Variants in PRR27 observed in about 807,000 individuals in gnomAD.
PRR27 encodes the protein proline rich 27.
Under a neutral mutation model 16.8 loss-of-function variants are expected in PRR27, and 12 were observed. The observed-to-expected ratio is 0.71, with a 90% CI of 0.46 to 1.16. The LOEUF (loss-of-function observed/expected upper bound fraction) is 1.16. Ranked by LOEUF, PRR27 falls within the 50% of genes most tolerant of loss-of-function variation. The pLI is 0.00. For synonymous variants in PRR27, 100 were observed against 98.4 expected (o/e 1.02, Z -0.10); for missense variants, 277 against 273.3 (o/e 1.01, Z -0.10).
At chr4:70,161,177 T>TATATATATATAC (rs1209279786) in intron 3 of PRR27, among the ~76,000 whole-genome samples, 2 of 116,046 alleles carry the variant, frequency 1.7e-5, no homozygotes, top group Non-Finnish European at 3.4e-5. Flanking sequence ...TATATATATA[T>TATATATATATAC]ATACACACAT....
At chr4:70,159,175 C>T (rs1728575769) in intron 3 of PRR27, among the ~76,000 whole-genome samples, 1 of 152,112 alleles carries the variant, frequency 6.6e-6, no homozygotes, top group Admixed American at 6.5e-5. Flanking sequence ...TCCCACATTC[C>T]CCATCCTCCC....
rs1728737539 is a variant in PRR27, at chr4:70,165,177, GAC to G, written c.*2520_*2521del. 2.0e-5 allele frequency: 3 copies of G among 152,064 alleles called. No homozygotes were observed. In the South Asian group the frequency reaches 6.2e-4, roughly 31 times the overall value. The allele number at this position is 152,064 out of a possible 1,614,324, so 9.4% of individuals were successfully genotyped here. ...GTTAGTAAACAGGCATCAGCTTTGA[GAC>G]ACAGAAAAGTCATCCAAACCAGAAG... On this transcript the variant is annotated 3_prime_UTR_variant, in exon 5 of 5. Transcript: ENST00000344526.
At position 70,155,989 on chromosome 4, in the gene PRR27, G is replaced by A. The variant is rs188408933; in HGVS notation, c.52-65G>A. 2.3e-4 allele frequency: 238 copies of A among 1,028,374 alleles called. No homozygotes were observed. In the African/African-American group the frequency reaches 3.4e-3, roughly 14 times the overall value. 63.7% of individuals were successfully genotyped at this position (1,028,374 alleles called of 1,614,324 possible). A position where few individuals can be genotyped will look rare whatever the true frequency, so the allele number is the denominator to read the frequency against. On this transcript the variant is annotated intron_variant, in intron 1 of 4. Coordinates refer to ENST00000344526, the MANE Select transcript of PRR27 (RefSeq NM_214711.4). ...AGCTTTGCAAATTTTTCAGCAATAT[G>A]GAAATGTAGGTGCAGATGTTTTCAA...
rs973936551 is a variant in PRR27, at chr4:70,163,299, T to G, written c.*638T>G. On this transcript the variant is annotated 3_prime_UTR_variant, in exon 5 of 5. Coordinates refer to ENST00000344526, the MANE Select transcript of PRR27 (RefSeq NM_214711.4). ...TAGCTATTGTCATCCCTAACAGAAA[T>G]GGAGGAATAGCCTCTTTTTTTTTTT... is the stretch of plus-strand genomic sequence containing the variant. The G allele has an allele frequency of 6.7e-6, 1 of 148,590 alleles. No homozygotes were observed. Among genetic ancestry groups the G allele is most frequent in the South Asian group, 2.1e-4 (1 of 4,716 alleles). The allele number at this position is 148,590 out of a possible 1,614,324, so 9.2% of individuals were successfully genotyped here. A position where few individuals can be genotyped will look rare whatever the true frequency, so the allele number is the denominator to read the frequency against.
intron 1 of PRR27, 67 bp downstream of exon 1, chr4:70,154,493 G>C: frequency 8.0e-7 from 1 of 1,246,092 alleles, no homozygotes; most frequent in Non-Finnish European, 1.2e-6. Flanking sequence ...ATAGGCATTT[G>C]TGCTTATGAT....
In PRR27 at chr4:70,158,895, G is replaced by C. The variant is rs1728565975; in HGVS notation, c.643G>C (p.Glu215Gln). The stretch of plus-strand genomic sequence containing the variant: ...AGAACCTCACCCTTCTCCCTCTCTT[G>C]AACAGGTAGGTTGTTTATATCTTAC... ...APEPHPSPSL[E>Q]QANQ The change falls in exon 3 of 5, where the codon GAA (glutamate) becomes CAA (glutamine). Residue 215 changes from glutamate to glutamine, a missense_variant. Physicochemically the swap from Glu to Gln is conservative, Grantham distance 29. Transcript: ENST00000344526. The C allele has an allele frequency of 6.4e-7, 1 of 1,556,406 alleles. No individual in the cohort carries two copies. Among genetic ancestry groups the C allele is most frequent in the Non-Finnish European group, 8.7e-7 (1 of 1,145,494 alleles).
In PRR27 at chr4:70,165,984, CT is replaced by C. The variant is rs1430828851; in HGVS notation, c.*3329del. ...TAAGTTTGTGTGTATAATTCCCTGG[CT>C]TTTTTCTAAAATTTTAGTATGCATT... is the stretch of plus-strand genomic sequence containing the variant. On this transcript the variant is annotated 3_prime_UTR_variant, in exon 5 of 5. Transcript: ENST00000344526. 2.0e-5 allele frequency: 3 copies of C among 151,890 alleles called. No homozygotes were observed. Among genetic ancestry groups the C allele is most frequent in the Non-Finnish European group, 4.4e-5 (3 of 67,934 alleles). 9.4% of individuals were successfully genotyped at this position (151,890 alleles called of 1,614,324 possible).
At chr4:70,161,242 C>T (rs1184000127) in intron 3 of PRR27, among the ~76,000 whole-genome samples, 1 of 134,922 alleles carries the variant, frequency 7.4e-6, no homozygotes. Flanking sequence ...ATACCTGTAG[C>T]TCATGGTTCA....
chr4:70,166,448 C>G lies in PRR27; in HGVS notation c.*3787C>G, dbSNP rs1171399999. ...TATAAGAGAAAATACTATTTTCCAC[C>G]AATATCACAATGGATAATCTTTTTT... is the stretch of plus-strand genomic sequence containing the variant. On this transcript the variant is annotated 3_prime_UTR_variant, in exon 5 of 5. Transcript: ENST00000344526. The G allele has an allele frequency of 6.6e-6, 1 of 151,956 alleles. No individual in the cohort carries two copies. The highest frequency in any genetic ancestry group is 2.4e-5 in the African/African-American group (1 of 41,402). 9.4% of individuals were successfully genotyped at this position (151,956 alleles called of 1,614,324 possible).
chr4:70,164,384 T>C lies in PRR27; in HGVS notation c.*1723T>C, dbSNP rs1001513866. 7 of 152,192 alleles carry C rather than the reference T, an allele frequency of 4.6e-5. No individual in the cohort carries two copies. The highest frequency in any genetic ancestry group is 8.8e-5 in the Non-Finnish European group (6 of 68,030). 9.4% of individuals were successfully genotyped at this position (152,192 alleles called of 1,614,324 possible). On this transcript the variant is annotated 3_prime_UTR_variant, in exon 5 of 5. Coordinates refer to ENST00000344526, the MANE Select transcript of PRR27 (RefSeq NM_214711.4). Reference sequence around the variant, plus strand: ...TTATTTTGAAATAATTTTGTATTTTTCCCTATATCCTACATTGGATCAGAA... The same window carrying C: ...TTATTTTGAAATAATTTTGTATTTTCCCCTATATCCTACATTGGATCAGAA...
chr4:70,165,698 T>C lies in PRR27; in HGVS notation c.*3037T>C, dbSNP rs945260301. ...TGTGTTTATATCCATCTTACATAAT[T>C]CTTTACTGTATAGCGTTCCCTTTAG... On this transcript the variant is annotated 3_prime_UTR_variant, in exon 5 of 5. Coordinates refer to ENST00000344526, the MANE Select transcript of PRR27 (RefSeq NM_214711.4). The C allele has an allele frequency of 6.6e-6, 1 of 152,134 alleles. No homozygotes were observed. Among genetic ancestry groups the C allele is most frequent in the Non-Finnish European group, 1.5e-5 (1 of 67,972 alleles). The allele number at this position is 152,134 out of a possible 1,614,324, so 9.4% of individuals were successfully genotyped here. A position where few individuals can be genotyped will look rare whatever the true frequency, so the allele number is the denominator to read the frequency against.
chr4:70,159,330 G>T (rs1334234970), intron 3 of PRR27, among the ~76,000 whole-genome samples: 1 of 152,104 alleles, frequency 6.6e-6, no homozygotes, highest in Non-Finnish European at 1.5e-5. Flanking sequence ...TAATAGTTTG[G>T]TTCTTTGCAG....
rs986370348 is a variant in PRR27, at chr4:70,164,839, A to C, written c.*2178A>C. The stretch of plus-strand genomic sequence containing the variant: ...ATGTGGTGTTTAGTATCACATTTAG[A>C]ATGTAGTCATTTGTTAAGTTTTTCA... On this transcript the variant is annotated 3_prime_UTR_variant, in exon 5 of 5. Transcript: ENST00000344526. 2.0e-5 allele frequency: 3 copies of C among 152,144 alleles called. No individual in the cohort carries two copies. The highest frequency in any genetic ancestry group is 7.2e-5 in the African/African-American group (3 of 41,442). 9.4% of individuals were successfully genotyped at this position (152,144 alleles called of 1,614,324 possible). A position where few individuals can be genotyped will look rare whatever the true frequency, so the allele number is the denominator to read the frequency against.
chr4:70,154,846 ATACCT>A (rs1236077662), intron 1 of PRR27: 2 of 1,026,476 alleles, frequency 1.9e-6, no homozygotes, highest in African/African-American at 3.3e-5. Flanking sequence ...AATGCACATC[ATACCT>A]TTAGTGGACT....
chr4:70,158,726 TGC>T lies in PRR27; in HGVS notation c.475_476del (p.Ala159CysfsTer8). 2 of 1,578,594 alleles carry T rather than the reference TGC, an allele frequency of 1.3e-6. No individual in the cohort carries two copies. The highest frequency in any genetic ancestry group is 1.7e-6 in the Non-Finnish European group (2 of 1,153,084). On this transcript the variant is annotated frameshift_variant, in exon 3 of 5. Transcript: ENST00000344526. LOFTEE classifies it high-confidence loss of function. ...AAGAPVAAEP[A>X]AEAPVGAEPA... ...CAGGGGCCCCTGTTGCAGCTGAGCCTGCTGCAGAGGCACCTGTTGGAGCTGAG... is the reference window on the plus strand; with the variant it reads ...CAGGGGCCCCTGTTGCAGCTGAGCCTTGCAGAGGCACCTGTTGGAGCTGAG...
At position 70,158,797 on chromosome 4, in the gene PRR27, C is replaced by T. The variant is rs1327817072; in HGVS notation, c.545C>T (p.Ala182Val). Residue 182 changes from alanine (A) to valine (V), a missense_variant, in exon 3 of 5, where the codon GCA becomes GTA. Physicochemically the swap from Ala to Val is moderately conservative, Grantham distance 64. Transcript: ENST00000344526. ...APVAAEPAAE[A>V]PVGVEPAAEE... Reference sequence around the variant, plus strand: ...GTTGCAGCTGAGCCTGCTGCAGAGGCACCTGTTGGAGTGGAGCCAGCTGCA... The same window carrying T: ...GTTGCAGCTGAGCCTGCTGCAGAGGTACCTGTTGGAGTGGAGCCAGCTGCA... The T allele has an allele frequency of 6.2e-7, 1 of 1,613,016 alleles. No homozygotes were observed. The highest frequency in any genetic ancestry group is 1.3e-5 in the African/African-American group (1 of 74,812).
At chr4:70,160,441 C>CTGTGTGTGTG (rs1349628920) in intron 3 of PRR27, among the ~76,000 whole-genome samples, 82 of 87,490 alleles carry the variant, frequency 9.4e-4, no homozygotes, top group African/African-American at 1.7e-3. Context: ...CTCTCTCTCT[C>CTGTGTGTGTG]TCTGTGTGTG....
At chr4:70,161,946 T>A (rs975530493) in intron 4 of PRR27, among the ~76,000 whole-genome samples, 1 of 152,218 alleles carries the variant, frequency 6.6e-6, no homozygotes, top group African/African-American at 2.4e-5. Context: ...AGGGTTGGAC[T>A]ATACATAGAA....
chr4:70,155,203 A>G lies in PRR27; in HGVS notation c.51+777A>G, dbSNP rs188268120. 3.2e-3 allele frequency among the ~76,000 whole-genome samples: 486 copies of G among 152,296 alleles called. 2 individuals are homozygous for G. The highest frequency in any genetic ancestry group is 4.2e-3 in the Admixed American group (64 of 15,302). ...TAAATGAAGCTCCAATTCTTAAAAT[A>G]ATAAGTGATGATTTTCCTGTACTTT... On this transcript the variant is annotated intron_variant, in intron 1 of 4. Transcript: ENST00000344526.
Sources: gnomAD v4.1 joint callset for allele counts (sites outside exome capture counted in the v4.1 genomes callset) on GRCh38, gnomAD v4.1.1 for gene constraint, MANE v1.5 for transcripts, NCBI Gene and HGNC (gene_info 2026-07-23, HGNC 2026-07-21) for gene names.